The following SLC24A3 variants were observed in gnomAD, a reference collection of about 807,000 sequenced individuals.
The protein encoded by SLC24A3 is solute carrier family 24 member 3.
A neutral mutation model predicts 75.8 loss-of-function variants in SLC24A3; 28 were observed. The observed-to-expected ratio is 0.37, with a 90% CI of 0.27 to 0.51. The LOEUF (loss-of-function observed/expected upper bound fraction) is 0.51, where lower values mean the gene tolerates loss of function less well. Among genes scored for constraint, SLC24A3 ranks in the 20% least tolerant of loss-of-function variants. The pLI is 0.94. For missense variants in SLC24A3, 663 were observed against 847.8 expected, an observed-to-expected ratio of 0.78 and a Z score of 2.71; for synonymous variants, 372 against 334.1, an observed-to-expected ratio of 1.11 and a Z score of -1.24.
chr20:19,606,911 C>T (rs1020557552), intron 6 of SLC24A3, among the ~76,000 whole-genome samples: 1 of 152,128 alleles, frequency 6.6e-6, no homozygotes, highest in South Asian at 2.1e-4. Context: ...GGACAGTGTG[C>T]GGCCAAGCCA....
chr20:19,293,099 C>T (rs1227593707), intron 2 of SLC24A3, among the ~76,000 whole-genome samples: 3 of 152,044 alleles, frequency 2.0e-5, no homozygotes, highest in African/African-American at 4.8e-5. Context: ...CCCTTGCATC[C>T]GTAGGACCAT....
At chr20:19,657,342 TC>T (rs1193507796) in intron 7 of SLC24A3, among the ~76,000 whole-genome samples, 2 of 152,224 alleles carry the variant, frequency 1.3e-5, no homozygotes, top group Non-Finnish European at 2.9e-5. Context: ...TTCAACAGGC[TC>T]TTGGGTAGGG....
chr20:19,563,849 G>C (rs2030915761), intron 3 of SLC24A3, among the ~76,000 whole-genome samples: 1 of 152,162 alleles, frequency 6.6e-6, no homozygotes, highest in Non-Finnish European at 1.5e-5. Flanking sequence ...GCTGTAACTG[G>C]CACGAAAATT....
chr20:19,520,584 T>A lies in SLC24A3; in HGVS notation c.348+5020T>A, dbSNP rs534702614. ...TCCGGAAGTCCAAGCAGGATTCTTG[T>A]GCTGAGCTGAGCCGTCAAGCCGGGG... On this transcript the variant is annotated intron_variant, in intron 3 of 16. Coordinates refer to ENST00000328041, the MANE Select transcript of SLC24A3 (RefSeq NM_020689.4). Among the ~76,000 whole-genome samples, 15 of 152,320 alleles carry A rather than the reference T, an allele frequency of 9.8e-5. No homozygotes were observed. In the East Asian group the frequency reaches 2.9e-3, roughly 29 times the overall value.
intron 12 of SLC24A3, among the ~76,000 whole-genome samples, chr20:19,688,655 T>C (rs1259362744): frequency 6.6e-6 from 1 of 152,226 alleles, no homozygotes; most frequent in Admixed American, 6.5e-5. Flanking sequence ...AGGACATTTT[T>C]CTCTCTCATA....
chr20:19,259,659 C>T (rs1982922512), intron 1 of SLC24A3, among the ~76,000 whole-genome samples: 1 of 152,144 alleles, frequency 6.6e-6, no homozygotes, highest in Admixed American at 6.5e-5. Flanking sequence ...TCAGATACTA[C>T]AAGAGGGTGT....
At chr20:19,667,598 G>A (rs2032414903) in intron 8 of SLC24A3, among the ~76,000 whole-genome samples, 1 of 152,216 alleles carries the variant, frequency 6.6e-6, no homozygotes, top group Non-Finnish European at 1.5e-5. Flanking sequence ...TGTGTGTGCA[G>A]CTGTTGTGCA....
intron 2 of SLC24A3, among the ~76,000 whole-genome samples, chr20:19,344,671 T>C (rs1312457228): frequency 1.3e-5 from 2 of 152,230 alleles, no homozygotes; most frequent in Non-Finnish European, 2.9e-5. Flanking sequence ...GTGAGAATAC[T>C]GTGGAGCATT....
intron 3 of SLC24A3, among the ~76,000 whole-genome samples, chr20:19,572,989 G>A (rs911964260): frequency 1.5e-4 from 23 of 152,208 alleles, no homozygotes; most frequent in Non-Finnish European, 2.1e-4. Context: ...TATTCCAGCC[G>A]TGTTCCCTGG....
chr20:19,276,941 G>A (rs945214703), intron 1 of SLC24A3, among the ~76,000 whole-genome samples: 6 of 151,902 alleles, frequency 3.9e-5, no homozygotes, highest in Non-Finnish European at 8.8e-5. Flanking sequence ...GCCCTCCGAC[G>A]CTGACAGAAA....
At chr20:19,628,709 C>G (rs896113591) in intron 6 of SLC24A3, among the ~76,000 whole-genome samples, 1 of 151,968 alleles carries the variant, frequency 6.6e-6, no homozygotes, top group Non-Finnish European at 1.5e-5. Context: ...ACACCACTAC[C>G]AGAGAAATTA....
chr20:19,628,060 C>A (rs1375876056), intron 6 of SLC24A3, among the ~76,000 whole-genome samples: 1 of 151,258 alleles, frequency 6.6e-6, no homozygotes, highest in Non-Finnish European at 1.5e-5. Flanking sequence ...AAAAATTAGC[C>A]AGGCATGGTG....
chr20:19,711,267 A>G (rs2032987221), intron 15 of SLC24A3, among the ~76,000 whole-genome samples: 1 of 150,736 alleles, frequency 6.6e-6, no homozygotes, highest in Non-Finnish European at 1.5e-5. Flanking sequence ...ACACATGCAC[A>G]CATGCAAACA....
chr20:19,281,191 C>T, intron 2 of SLC24A3, 104 bp downstream of exon 2: 2 of 1,513,266 alleles, frequency 1.3e-6, no homozygotes, highest in Non-Finnish European at 1.8e-6. Context: ...ATCCAGAAAG[C>T]CTCCAAAGAT....
intron 2 of SLC24A3, among the ~76,000 whole-genome samples, chr20:19,440,741 G>T (rs913650144): frequency 6.6e-6 from 1 of 151,284 alleles, no homozygotes; most frequent in African/African-American, 2.4e-5. Flanking sequence ...CAGCTCCAAG[G>T]AAGTGTGTCA....
chr20:19,230,811 CT>C (rs1982000662), intron 1 of SLC24A3, among the ~76,000 whole-genome samples: 1 of 152,158 alleles, frequency 6.6e-6, no homozygotes, highest in East Asian at 1.9e-4. Context: ...CACTCAGCTT[CT>C]TTTATGCATC....
Position 19,722,599 on chromosome 20 carries a change from ATTTAC to A in SLC24A3, c.*1464_*1468del. On this transcript the variant is annotated 3_prime_UTR_variant, in exon 17 of 17. Coordinates refer to ENST00000328041, the MANE Select transcript of SLC24A3 (RefSeq NM_020689.4). Reference sequence around the variant, plus strand: ...GATTCTTGCCCGTGCTGTCCCTTGTATTTACTTTAAGCACTGATCACTTATCATTC... The same window carrying A: ...GATTCTTGCCCGTGCTGTCCCTTGTATTTAAGCACTGATCACTTATCATTC... 1 of 152,572 alleles carries A rather than the reference ATTTAC, an allele frequency of 6.6e-6. No homozygotes were observed. Among genetic ancestry groups the A allele is most frequent in the Admixed American group, 6.5e-5 (1 of 15,280 alleles). The allele number at this position is 152,572 out of a possible 1,614,324, so 9.5% of individuals were successfully genotyped here.
At chr20:19,534,664 C>G (rs2030364923) in intron 3 of SLC24A3, among the ~76,000 whole-genome samples, 1 of 152,148 alleles carries the variant, frequency 6.6e-6, no homozygotes, top group South Asian at 2.1e-4. Context: ...ACCTGCCTCC[C>G]AAAGTACTGG....
intron 2 of SLC24A3, among the ~76,000 whole-genome samples, chr20:19,299,782 T>G (rs148712458): frequency 7.4e-4 from 112 of 152,318 alleles, no homozygotes; most frequent in African/African-American, 1.1e-3. Context: ...ATACACTGGC[T>G]TTCCTGGCTT....
Sources: gnomAD v4.1 joint callset for allele counts (sites outside exome capture counted in the v4.1 genomes callset) on GRCh38, gnomAD v4.1.1 for gene constraint, MANE v1.5 for transcripts, NCBI Gene and HGNC (gene_info 2026-07-23, HGNC 2026-07-21) for gene names.